CALN1: variants seen among roughly 807,000 people sequenced by gnomAD.
CALN1 encodes calneuron 1.
CALN1 carries 17 observed loss-of-function variants against 30.6 expected under a neutral mutation model. The observed-to-expected ratio is 0.56, with a 90% confidence interval of 0.38 to 0.83. The LOEUF (loss-of-function observed/expected upper bound fraction) is 0.83, where lower values mean the gene tolerates loss of function less well. CALN1 is among the 40% of genes least tolerant of loss of function. CALN1 has a pLI of 0.00. For synonymous variants in CALN1, 156 were observed against 131.4 expected (o/e 1.19, Z -1.28); for missense variants, 291 against 354.9 (o/e 0.82, Z 1.45).
intron 5 of CALN1, among the ~76,000 whole-genome samples, chr7:71,911,800 G>A (rs1794436990): frequency 6.6e-6 from 1 of 152,138 alleles, no homozygotes; most frequent in Non-Finnish European, 1.5e-5. Flanking sequence ...GCCTTTGGCT[G>A]CAATAAACTC....
At chr7:72,353,676 G>A (rs1803065736) in intron 2 of CALN1, among the ~76,000 whole-genome samples, 1 of 152,080 alleles carries the variant, frequency 6.6e-6, no homozygotes, top group Admixed American at 6.5e-5. Context: ...GGCTTCTATT[G>A]AACATTTGTT....
intron 4 of CALN1, among the ~76,000 whole-genome samples, chr7:72,042,260 T>C (rs1802177966): frequency 6.6e-6 from 1 of 152,138 alleles, no homozygotes; most frequent in South Asian, 2.1e-4. Context: ...TTCAATAGTT[T>C]GGTACAAGTC....
chr7:72,457,290 T>C, the CALN1 span, among the ~76,000 whole-genome samples: 220 of 152,326 alleles, frequency 1.4e-3, no homozygotes, highest in African/African-American at 5.1e-3. Context: ...CATTTGTTTC[T>C]CATAGTGTTT....
intron 2 of CALN1, among the ~76,000 whole-genome samples, chr7:72,294,909 A>C (rs986609467): frequency 6.6e-6 from 1 of 152,138 alleles, no homozygotes; most frequent in African/African-American, 2.4e-5. Flanking sequence ...GGCTAATTTA[A>C]TGTGTGCATT....
intron 6 of CALN1, 42 bp downstream of exon 6, chr7:71,810,294 C>T (rs1408665196): frequency 2.5e-6 from 4 of 1,598,396 alleles, no homozygotes; most frequent in Admixed American, 1.7e-5. Context: ...GGTGCATTGG[C>T]CTGTCCCGGA....
chr7:71,929,531 C>T (rs762971152), intron 5 of CALN1, among the ~76,000 whole-genome samples: 6 of 152,196 alleles, frequency 3.9e-5, no homozygotes, highest in African/African-American at 4.8e-5. Flanking sequence ...TTTATCCAGT[C>T]TACCATTGAT....
At chr7:72,139,843 T>C (rs1274713938) in intron 3 of CALN1, among the ~76,000 whole-genome samples, 1 of 152,188 alleles carries the variant, frequency 6.6e-6, no homozygotes. Context: ...ACTTCCCTTA[T>C]CTCTCTTTGC....
chr7:72,198,013 G>T (rs1198492087), intron 3 of CALN1, among the ~76,000 whole-genome samples: 1 of 152,048 alleles, frequency 6.6e-6, no homozygotes, highest in Non-Finnish European at 1.5e-5. Context: ...AAAAAAAAAG[G>T]TTCATTCCCT....
At chr7:72,392,169 T>TAGTC (rs1306897252) in intron 2 of CALN1, among the ~76,000 whole-genome samples, 1 of 152,176 alleles carries the variant, frequency 6.6e-6, no homozygotes, top group Admixed American at 6.5e-5. Context: ...CCAGCTGAGC[T>TAGTC]AGTCCTTCAG....
At chr7:71,912,269 G>A (rs2097888) in intron 5 of CALN1, among the ~76,000 whole-genome samples, 1 of 151,974 alleles carries the variant, frequency 6.6e-6, no homozygotes, top group Non-Finnish European at 1.5e-5. Context: ...GAGACTTTCT[G>A]CTGTGCCAGA....
intron 3 of CALN1, among the ~76,000 whole-genome samples, chr7:72,192,974 G>T (rs1319929678): frequency 6.6e-6 from 1 of 151,940 alleles, no homozygotes; most frequent in Non-Finnish European, 1.5e-5. Context: ...GATCACTTGA[G>T]GTCAGGAGTT....
At chr7:72,475,042 G>T in the CALN1 span, among the ~76,000 whole-genome samples, 3 of 152,158 alleles carry the variant, frequency 2.0e-5, no homozygotes, top group African/African-American at 7.2e-5. Context: ...AGCAATTATG[G>T]CATTCTTCCC....
At chr7:72,381,087 A>G (rs533814375) in intron 2 of CALN1, among the ~76,000 whole-genome samples, 6 of 152,234 alleles carry the variant, frequency 3.9e-5, no homozygotes, top group Admixed American at 6.5e-5. Flanking sequence ...AAGTTTTGAT[A>G]TAAGAGAAAA....
At chr7:72,385,111 A>AC (rs1227526251) in intron 2 of CALN1, among the ~76,000 whole-genome samples, 1 of 152,236 alleles carries the variant, frequency 6.6e-6, no homozygotes, top group Non-Finnish European at 1.5e-5. Context: ...ACCACTACAC[A>AC]CATATTAGAA....
At chr7:71,948,938 G>C (rs972881903) in intron 5 of CALN1, among the ~76,000 whole-genome samples, 1 of 148,892 alleles carries the variant, frequency 6.7e-6, no homozygotes, top group Non-Finnish European at 1.5e-5. Context: ...AGTTACTTGG[G>C]AGGCTAAGGT....
intron 1 of CALN1, among the ~76,000 whole-genome samples, chr7:72,406,027 G>A (rs927912013): frequency 6.6e-6 from 1 of 152,196 alleles, no homozygotes; most frequent in Non-Finnish European, 1.5e-5. Flanking sequence ...GAAGGTGGCA[G>A]CTCCCCGTAA....
chr7:71,923,304 G>C (rs1795079472), intron 5 of CALN1, among the ~76,000 whole-genome samples: 3 of 152,102 alleles, frequency 2.0e-5, no homozygotes, highest in Admixed American at 2.0e-4. Flanking sequence ...CTTTCATTTG[G>C]CTGTTTGGTT....
intron 2 of CALN1, among the ~76,000 whole-genome samples, chr7:72,359,671 T>C (rs893254772): frequency 1.3e-5 from 2 of 152,002 alleles, no homozygotes; most frequent in Non-Finnish European, 2.9e-5. Context: ...TGGAGGAACC[T>C]TGTGAAAGTT....
intron 4 of CALN1, among the ~76,000 whole-genome samples, chr7:72,069,413 A>G (rs1258866265): frequency 6.6e-6 from 1 of 152,212 alleles, no homozygotes; most frequent in Non-Finnish European, 1.5e-5. Context: ...TGGAGGCCAG[A>G]AGTCTGAAAT....
Sources: allele counts gnomAD v4.1 joint callset (sites outside exome capture counted in the v4.1 genomes callset), GRCh38; gene constraint gnomAD v4.1.1; transcripts MANE v1.5; gene names NCBI Gene and HGNC (gene_info 2026-07-23, HGNC 2026-07-21).